The following DIPK1A variants were observed in gnomAD, a reference collection of about 807,000 sequenced individuals.
DIPK1A encodes the protein divergent protein kinase domain 1A.
In DIPK1A, 27 loss-of-function variants were observed where a neutral mutation model predicts 40.8. The ratio of observed to expected loss-of-function variants is 0.66; its 90% CI spans 0.49 to 0.91. DIPK1A has a LOEUF of 0.91. DIPK1A is among the 40% of genes least tolerant of loss of function. The probability of loss-of-function intolerance (pLI) is 0.00; values close to 1 mark genes in which losing one functional copy is unlikely to be tolerated. For synonymous variants in DIPK1A, 166 were observed against 171.3 expected (o/e 0.97, Z 0.24); for missense variants, 412 against 505.7 (o/e 0.81, Z 1.78).
At chr1:92,874,912 A>T (rs1648045881) in intron 2 of DIPK1A, among the ~76,000 whole-genome samples, 1 of 152,150 alleles carries the variant, frequency 6.6e-6, no homozygotes, top group African/African-American at 2.4e-5. Flanking sequence ...TACCCAGTAC[A>T]TTGGCCCCAG....
chr1:92,961,448 C>A lies in DIPK1A; in HGVS notation c.-19G>T. The A allele has an allele frequency of 1.3e-6, 2 of 1,481,862 alleles. No individual in the cohort carries two copies. Among genetic ancestry groups the A allele is most frequent in the African/African-American group, 1.5e-5 (1 of 67,884 alleles). 91.8% of individuals were successfully genotyped at this position (1,481,862 alleles called of 1,614,324 possible). ...TCGCCATGGTAATCACACATCGCCC[C>A]GCCGCGCTGCAGTCAGAGGCGGACC... On this transcript the variant is annotated 5_prime_UTR_variant, in exon 1 of 5. Coordinates refer to ENST00000370310, the MANE Select transcript of DIPK1A (RefSeq NM_001006605.5).
chr1:92,942,846 G>A (rs187808866), intron 1 of DIPK1A, among the ~76,000 whole-genome samples: 2 of 151,930 alleles, frequency 1.3e-5, no homozygotes, highest in Non-Finnish European at 2.9e-5. Context: ...TGTATTTTTA[G>A]TAGAGACGGG....
At chr1:92,961,300 G>C in intron 1 of DIPK1A, 76 bp downstream of exon 1, 4 of 1,148,472 alleles carry the variant, frequency 3.5e-6, no homozygotes, top group African/African-American at 1.6e-5. Context: ...GAGGGGAGCG[G>C]GCGAGTCCTG....
At chr1:92,923,795 C>T (rs1007596800) in intron 1 of DIPK1A, among the ~76,000 whole-genome samples, 3 of 152,144 alleles carry the variant, frequency 2.0e-5, no homozygotes, top group Admixed American at 6.5e-5. Context: ...TTCCCAGTGT[C>T]TTAACAGGCT....
intron 4 of DIPK1A, among the ~76,000 whole-genome samples, chr1:92,834,124 T>G (rs753645553): frequency 6.6e-6 from 1 of 152,134 alleles, no homozygotes; most frequent in Admixed American, 6.5e-5. Flanking sequence ...GTGGGGAGAT[T>G]AGAAGTAAGT....
chr1:92,915,646 TG>T (rs1650023835), intron 1 of DIPK1A, among the ~76,000 whole-genome samples: 1 of 152,182 alleles, frequency 6.6e-6, no homozygotes, highest in African/African-American at 2.4e-5. Context: ...AAAGATCATC[TG>T]GGAACTCTTC....
intron 1 of DIPK1A, among the ~76,000 whole-genome samples, chr1:92,924,451 C>G (rs1363920890): frequency 6.6e-6 from 1 of 151,858 alleles, no homozygotes. Context: ...ATAACCCGCA[C>G]GGATCAAGGG....
At chr1:92,887,659 A>G (rs1468084875) in intron 1 of DIPK1A, among the ~76,000 whole-genome samples, 1 of 152,218 alleles carries the variant, frequency 6.6e-6, no homozygotes, top group Non-Finnish European at 1.5e-5. Context: ...TGCTTATGGT[A>G]TGTCACTAAG....
At chr1:92,851,556 A>AAAAAAAAC (rs1345452707) in intron 2 of DIPK1A, among the ~76,000 whole-genome samples, 42 of 94,960 alleles carry the variant, frequency 4.4e-4, no homozygotes, top group African/African-American at 3.3e-5. Flanking sequence ...AAAAAAAAAA[A>AAAAAAAAC]AAAAAACTTC....
intron 1 of DIPK1A, among the ~76,000 whole-genome samples, chr1:92,948,653 G>A (rs1004785584): frequency 1.4e-5 from 2 of 141,620 alleles, no homozygotes; most frequent in African/African-American, 2.6e-5. Flanking sequence ...ATATATATAC[G>A]TATATATACA....
At chr1:92,837,047 G>A (rs1197615448) in intron 4 of DIPK1A, 3 of 293,562 alleles carry the variant, frequency 1.0e-5, no homozygotes, top group East Asian at 9.0e-5. Context: ...GGTGGGGGGA[G>A]TTAGTTGCAA....
chr1:92,920,581 G>C (rs1650232369), intron 1 of DIPK1A, among the ~76,000 whole-genome samples: 1 of 152,218 alleles, frequency 6.6e-6, no homozygotes, highest in Non-Finnish European at 1.5e-5. Flanking sequence ...AGGTGATACA[G>C]GCAGAGGGAA....
intron 1 of DIPK1A, among the ~76,000 whole-genome samples, chr1:92,900,923 A>G (rs906164931): frequency 5.3e-5 from 8 of 151,680 alleles, no homozygotes; most frequent in Admixed American, 1.3e-4. Context: ...GTGCAGCTGG[A>G]GCAACAACTG....
chr1:92,926,262 T>C (rs1339030989), intron 1 of DIPK1A, among the ~76,000 whole-genome samples: 1 of 152,220 alleles, frequency 6.6e-6, no homozygotes, highest in East Asian at 1.9e-4. Context: ...TTATTATCAT[T>C]CAGTTCAAAA....
At chr1:92,915,942 T>A (rs1650036527) in intron 1 of DIPK1A, among the ~76,000 whole-genome samples, 1 of 151,972 alleles carries the variant, frequency 6.6e-6, no homozygotes, top group Non-Finnish European at 1.5e-5. Flanking sequence ...TAAAAAGAAA[T>A]GAAGTATTGA....
At chr1:92,878,513 C>T (rs1346194217) in intron 1 of DIPK1A, among the ~76,000 whole-genome samples, 2 of 151,956 alleles carry the variant, frequency 1.3e-5, no homozygotes, top group African/African-American at 4.8e-5. Context: ...GGTAAAACCC[C>T]GCCTATACTA....
At chr1:92,877,891 A>G (rs1648198860) in intron 1 of DIPK1A, among the ~76,000 whole-genome samples, 1 of 152,260 alleles carries the variant, frequency 6.6e-6, no homozygotes, top group East Asian at 1.9e-4. Flanking sequence ...ATTAAATGAC[A>G]TAATGCCTAT....
intron 1 of DIPK1A, among the ~76,000 whole-genome samples, chr1:92,886,212 G>A (rs1170381242): frequency 2.6e-5 from 4 of 151,996 alleles, no homozygotes; most frequent in African/African-American, 9.7e-5. Context: ...TGCACCTGTA[G>A]TCCCAGGTAC....
chr1:92,842,867 CTT>C lies in DIPK1A; in HGVS notation c.*514_*515del. 7.1e-6 allele frequency: 7 copies of C among 985,776 alleles called. No individual in the cohort carries two copies. Among genetic ancestry groups the C allele is most frequent in the Non-Finnish European group, 8.4e-6 (7 of 830,156 alleles). The allele number at this position is 985,776 out of a possible 1,614,324, so 61.1% of individuals were successfully genotyped here. A position where few individuals can be genotyped will look rare whatever the true frequency, so the allele number is the denominator to read the frequency against. On this transcript the variant is annotated 3_prime_UTR_variant, in exon 5 of 5. Transcript: ENST00000370310. ...TGAGGTTAAAAATGGGTGTATAAGT[CTT>C]TAATACAGTAAACCATGCTATTAAC...
Sources: allele counts gnomAD v4.1 joint callset (sites outside exome capture counted in the v4.1 genomes callset), GRCh38; gene constraint gnomAD v4.1.1; transcripts MANE v1.5; gene names NCBI Gene and HGNC (gene_info 2026-07-23, HGNC 2026-07-21).